The following PSMC6 variants were observed in gnomAD, a reference collection of about 807,000 sequenced individuals.
The protein encoded by PSMC6 is 26S proteasome regulatory subunit 10B.
Under a neutral mutation model 55.9 loss-of-function variants are expected in PSMC6, and 3 were observed. The observed-to-expected ratio is 0.05, with a 90% CI of 0.02 to 0.14. The LOEUF (loss-of-function observed/expected upper bound fraction) is 0.14. Among genes scored for constraint, PSMC6 ranks in the 10% least tolerant of loss-of-function variants. The pLI, the probability that PSMC6 is intolerant of heterozygous loss-of-function variation, is 1.00. For missense variants in PSMC6, 210 were observed against 478.7 expected (o/e 0.44, Z 5.24); for synonymous variants, 137 against 155.9 (o/e 0.88, Z 0.90).
At chr14:52,725,554 C>T (rs780840073) in intron 13 of PSMC6, among the ~76,000 whole-genome samples, 4 of 152,068 alleles carry the variant, frequency 2.6e-5, no homozygotes, top group East Asian at 1.9e-4. Flanking sequence ...TCTTTTGAGA[C>T]GGAGTCTCAC....
rs913900190 is a variant in PSMC6 at position 52,711,358 on chromosome 14, G to A, written c.327-52G>A. On this transcript the variant is annotated intron_variant, in intron 5 of 13. Transcript: ENST00000445930. ...CAAGTTATTTATATGCTATCTGTAG[G>A]CTAAGAGAAAATATATCTTTCAAAA... 4 of 1,458,938 alleles carry A rather than the reference G, an allele frequency of 2.7e-6. No homozygotes were observed. The Admixed American group carries it at 5.3e-5, about 19-fold the overall frequency. 90.4% of individuals were successfully genotyped at this position (1,458,938 alleles called of 1,614,324 possible).
At chr14:52,711,076 A>G in intron 4 of PSMC6, 25 bp from the exon 5 acceptor site, 2 of 1,591,192 alleles carry the variant, frequency 1.3e-6, no homozygotes, top group South Asian at 1.1e-5. Context: ...GTGTTGATGT[A>G]ATATCTTTTG....
intron 10 of PSMC6, 64 bp downstream of exon 10, chr14:52,719,102 G>A (rs986430792): frequency 5.7e-5 from 74 of 1,309,342 alleles, no homozygotes; most frequent in Non-Finnish European, 7.8e-5. Context: ...ACTGAACATT[G>A]CATATTTGAT....
At chr14:52,720,794 TA>T in intron 10 of PSMC6, 66 bp from the exon 11 acceptor site, 1 of 1,303,866 alleles carries the variant, frequency 7.7e-7, no homozygotes, top group Non-Finnish European at 1.1e-6. Context: ...ATTAGACATA[TA>T]AAAGGTGTGT....
At chr14:52,720,622 G>T (rs1001499010) in intron 10 of PSMC6, among the ~76,000 whole-genome samples, 6 of 151,916 alleles carry the variant, frequency 3.9e-5, no homozygotes, top group African/African-American at 1.5e-4. Flanking sequence ...AAACTACCTG[G>T]TAGCTATAGA....
intron 4 of PSMC6, 34 bp from the exon 5 acceptor site, chr14:52,711,067 T>C (rs771192674): frequency 1.3e-6 from 2 of 1,488,980 alleles, no homozygotes; most frequent in Admixed American, 3.5e-5. Flanking sequence ...CGTTTTTAAG[T>C]GTTGATGTAA....
At chr14:52,717,798 A>G (rs1243234473) in intron 7 of PSMC6, among the ~76,000 whole-genome samples, 1 of 151,956 alleles carries the variant, frequency 6.6e-6, no homozygotes, top group Admixed American at 6.6e-5. Flanking sequence ...TGGCAGGATC[A>G]CCTGAGCCCA....
rs547966042 is a variant in PSMC6 at position 52,714,861 on chromosome 14, T to C, written c.529+893T>C. Among the ~76,000 whole-genome samples, 219 of 117,056 alleles carry C rather than the reference T, an allele frequency of 1.9e-3. 1 individual carries two copies. Among genetic ancestry groups the C allele is most frequent in the African/African-American group, 7.3e-3 (214 of 29,380 alleles). 76.8% of individuals were successfully genotyped at this position (117,056 alleles called of 152,430 possible). A position where few individuals can be genotyped will look rare whatever the true frequency, so the allele number is the denominator to read the frequency against. ...AGCCTGGCTGACAGAGTGAGACTCC[T>C]TCTCAAAAAAAAAAAAAAAAAAAAA... On this transcript the variant is annotated intron_variant, in intron 7 of 13. Transcript: ENST00000445930.
chr14:52,715,950 C>G (rs980188923), intron 7 of PSMC6, among the ~76,000 whole-genome samples: 1 of 152,108 alleles, frequency 6.6e-6, no homozygotes, highest in African/African-American at 2.4e-5. Flanking sequence ...TACTTAAAGA[C>G]TTTTCTGATG....
At chr14:52,725,050 A>G (rs1165533397) in intron 13 of PSMC6, among the ~76,000 whole-genome samples, 1 of 152,232 alleles carries the variant, frequency 6.6e-6, no homozygotes, top group Non-Finnish European at 1.5e-5. Flanking sequence ...AAATGCTGTC[A>G]ATGCAAATTA....
Position 52,727,816 on chromosome 14 carries a change from A to G in PSMC6, c.*199A>G. The G allele has an allele frequency of 2.3e-6, 1 of 426,366 alleles. No individual in the cohort carries two copies. The highest frequency in any genetic ancestry group is 4.2e-6 in the Non-Finnish European group (1 of 237,166). 26.4% of individuals were successfully genotyped at this position (426,366 alleles called of 1,614,324 possible). A position where few individuals can be genotyped will look rare whatever the true frequency, so the allele number is the denominator to read the frequency against. ...TGTTTGTTAAAGTTGCATTTATTGC[A>G]GCAAGTTACAAAGGGAAAGTGTTGA... On this transcript the variant is annotated 3_prime_UTR_variant, in exon 14 of 14. Coordinates refer to ENST00000445930, the MANE Select transcript of PSMC6 (RefSeq NM_002806.5).
chr14:52,711,322 G>A, intron 5 of PSMC6, 88 bp from the exon 6 acceptor site: 2 of 1,305,206 alleles, frequency 1.5e-6, no homozygotes, highest in Non-Finnish European at 2.2e-6. Flanking sequence ...AGCTACAGGT[G>A]CTTGCTTGAG....
intron 13 of PSMC6, among the ~76,000 whole-genome samples, chr14:52,725,033 C>T (rs572895472): frequency 9.9e-5 from 15 of 152,260 alleles, no homozygotes; most frequent in South Asian, 4.2e-4. Context: ...CTTCTGTTCA[C>T]GTCTAGAAAT....
At chr14:52,709,725 T>C in intron 4 of PSMC6, 1 of 320,468 alleles carries the variant, frequency 3.1e-6, no homozygotes, top group South Asian at 2.3e-5. Context: ...GAAATGTGTT[T>C]TAGATTTTGG....
chr14:52,715,674 C>T (rs965929937), intron 7 of PSMC6, among the ~76,000 whole-genome samples: 44 of 145,604 alleles, frequency 3.0e-4, no homozygotes, highest in Non-Finnish European at 4.6e-4. Context: ...AGTGCAGTGG[C>T]GTGATCATCC....
In PSMC6 at chr14:52,727,668, A is replaced by G; in HGVS notation, c.*51A>G. The G allele has an allele frequency of 7.9e-7, 1 of 1,266,318 alleles. No individual in the cohort carries two copies. 78.4% of individuals were successfully genotyped at this position (1,266,318 alleles called of 1,614,324 possible). A position where few individuals can be genotyped will look rare whatever the true frequency, so the allele number is the denominator to read the frequency against. ...CATGACAGATGTTGGCTTATTGTAA[A>G]AATAAAGTTAAAGAAAATAATGTAT... On this transcript the variant is annotated 3_prime_UTR_variant, in exon 14 of 14. Transcript: ENST00000445930.
chr14:52,725,667 C>T (rs1370621071), intron 13 of PSMC6, among the ~76,000 whole-genome samples: 1 of 152,184 alleles, frequency 6.6e-6, no homozygotes, highest in Non-Finnish European at 1.5e-5. Context: ...AGGCGTGCGC[C>T]ACCACACCCA....
At chr14:52,722,971 G>C (rs534281734) in intron 12 of PSMC6, 1 of 152,326 alleles carries the variant, frequency 6.6e-6, no homozygotes, top group Admixed American at 6.5e-5. Context: ...AAACTCTTTA[G>C]AAGTTAATGG....
intron 2 of PSMC6, 28 bp downstream of exon 2, chr14:52,708,416 G>A (rs2041728504): frequency 1.2e-6 from 2 of 1,611,694 alleles, no homozygotes; most frequent in Admixed American, 1.7e-5. Flanking sequence ...GGGAATAGGG[G>A]GTGATGGTAA....
Sources: allele counts gnomAD v4.1 joint callset (sites outside exome capture counted in the v4.1 genomes callset), GRCh38; gene constraint gnomAD v4.1.1; transcripts MANE v1.5; gene names NCBI Gene and HGNC (gene_info 2026-07-23, HGNC 2026-07-21).